ZEB2: variants seen among roughly 807,000 people sequenced by gnomAD.
ZEB2 encodes zinc finger E-box-binding homeobox 2.
Under a neutral mutation model 99.9 loss-of-function variants are expected in ZEB2, and 6 were observed. The observed-to-expected ratio is 0.06, with a 90% CI of 0.03 to 0.12. The LOEUF is 0.12. Among genes scored for constraint, ZEB2 ranks in the 10% least tolerant of loss-of-function variants. The probability of loss-of-function intolerance (pLI) is 1.00; values close to 1 mark genes in which losing one functional copy is unlikely to be tolerated. For synonymous variants in ZEB2, 517 were observed against 542.5 expected, an observed-to-expected ratio of 0.95 and a Z score of 0.65; for missense variants, 969 against 1,502.8, an observed-to-expected ratio of 0.64 and a Z score of 5.87.
At chr2:144,435,345 C>T (rs1459789329) in intron 2 of ZEB2, among the ~76,000 whole-genome samples, 18 of 151,962 alleles carry the variant, frequency 1.2e-4, no homozygotes, top group Admixed American at 1.2e-3. Context: ...TGGTGGCTCA[C>T]ACCTGTAATC....
chr2:144,393,337 A>G lies in ZEB2; in HGVS notation c.3067+3075T>C, dbSNP rs79621841. Among the ~76,000 whole-genome samples, 851 of 152,350 alleles carry G rather than the reference A, an allele frequency of 5.6e-3. 6 individuals carry two copies. Among genetic ancestry groups the G allele is most frequent in the African/African-American group, 0.02 (811 of 41,580 alleles). On this transcript the variant is annotated intron_variant, in intron 9 of 9. Transcript: ENST00000627532. Reference sequence around the variant, plus strand: ...GAGGCAAAAAAAGCACTGGGTCTCAAGAATAAGTAGCTCATAATTTCCTTC... The same window carrying G: ...GAGGCAAAAAAAGCACTGGGTCTCAGGAATAAGTAGCTCATAATTTCCTTC...
In ZEB2 at chr2:144,403,910, C is replaced by G; in HGVS notation, c.807+6G>C. 6.2e-7 allele frequency: 1 copy of G among 1,614,106 alleles called. No homozygotes were observed. The highest frequency in any genetic ancestry group is 8.5e-7 in the Non-Finnish European group (1 of 1,180,020). On this transcript the variant is annotated splice_donor_region_variant and intron_variant, in intron 6 of 9. Transcript: ENST00000627532. Reference sequence around the variant, plus strand: ...AGAAAGAAATCACTTAAAACCATCCCCCCACCTGATCTGTCCCTGGCTTGT... The same window carrying G: ...AGAAAGAAATCACTTAAAACCATCCGCCCACCTGATCTGTCCCTGGCTTGT...
chr2:144,425,314 A>G (rs1362900192), intron 3 of ZEB2, among the ~76,000 whole-genome samples: 1 of 152,174 alleles, frequency 6.6e-6, no homozygotes, highest in African/African-American at 2.4e-5. Flanking sequence ...GGGTGGCTAT[A>G]ATGGTGCTAA....
intron 2 of ZEB2, among the ~76,000 whole-genome samples, chr2:144,435,147 A>G (rs1560623077): frequency 6.6e-6 from 1 of 152,174 alleles, no homozygotes; most frequent in Non-Finnish European, 1.5e-5. Context: ...TGTGCCAGTC[A>G]CAATTTTTGT....
intron 2 of ZEB2, among the ~76,000 whole-genome samples, chr2:144,487,735 CAAGT>C (rs1386209522): frequency 1.3e-5 from 2 of 152,076 alleles, no homozygotes; most frequent in African/African-American, 2.4e-5. Context: ...ACAAACTTGA[CAAGT>C]AAGATCTCTG....
At chr2:144,460,056 G>T (rs1224320894) in intron 2 of ZEB2, among the ~76,000 whole-genome samples, 2 of 152,142 alleles carry the variant, frequency 1.3e-5, no homozygotes, top group African/African-American at 4.8e-5. Context: ...AGACAGGGTT[G>T]CTGAAACCCA....
intron 2 of ZEB2, among the ~76,000 whole-genome samples, chr2:144,483,750 C>T (rs191441308): frequency 5.7e-4 from 87 of 152,192 alleles, no homozygotes; most frequent in Non-Finnish European, 9.4e-4. Flanking sequence ...AGGAGCCAAA[C>T]CATCTTTCTT....
At chr2:144,497,983 TATATTAATATTATATATTATATA>T (rs571485908) in intron 2 of ZEB2, among the ~76,000 whole-genome samples, 10,399 of 15,952 alleles carry the variant, frequency 0.65, 4,897 homozygotes, top group East Asian at 0.73. Context: ...TATTATATAA[TATATTAATATTATATATTATATA>T]ATATATTAAT....
At chr2:144,439,042 A>C (rs1703872843) in intron 2 of ZEB2, among the ~76,000 whole-genome samples, 1 of 151,278 alleles carries the variant, frequency 6.6e-6, no homozygotes. Flanking sequence ...ATATTGAATA[A>C]TTTCTGTCAT....
chr2:144,458,296 C>A (rs948692094), intron 2 of ZEB2, among the ~76,000 whole-genome samples: 2 of 152,098 alleles, frequency 1.3e-5, no homozygotes, highest in African/African-American at 4.8e-5. Flanking sequence ...TAACTTTCTA[C>A]TTTTAAAACT....
intron 2 of ZEB2, chr2:144,511,327 G>C: frequency 9.1e-7 from 1 of 1,094,178 alleles, no homozygotes; most frequent in Non-Finnish European, 1.1e-6. Flanking sequence ...TACCTCCTCA[G>C]AGGAAACACA....
At chr2:144,459,642 G>C (rs1704165398) in intron 2 of ZEB2, among the ~76,000 whole-genome samples, 2 of 152,068 alleles carry the variant, frequency 1.3e-5, no homozygotes, top group African/African-American at 4.8e-5. Flanking sequence ...TCTTGTGGGA[G>C]AGAAAAACAC....
chr2:144,519,943 G>A lies in ZEB2; in HGVS notation c.-74C>T, dbSNP rs1382279986. ...AGGGGAGGAAAAAAAACCTACCTGCGAAGTCTTGTTTGTAGTTTTGGCCAG... is the reference window on the plus strand; with the variant it reads ...AGGGGAGGAAAAAAAACCTACCTGCAAAGTCTTGTTTGTAGTTTTGGCCAG... On this transcript the variant is annotated 5_prime_UTR_variant, in exon 1 of 10. Coordinates refer to ENST00000627532, the MANE Select transcript of ZEB2 (RefSeq NM_014795.4). 8 of 449,780 alleles carry A rather than the reference G, an allele frequency of 1.8e-5. No homozygotes were observed. The highest frequency in any genetic ancestry group is 3.6e-5 in the Non-Finnish European group (8 of 224,956). 27.9% of individuals were successfully genotyped at this position (449,780 alleles called of 1,614,324 possible).
rs781221176 is a variant in ZEB2, at chr2:144,520,032, A to C, written c.-163T>G. 6.8e-5 allele frequency: 31 copies of C among 454,436 alleles called. 1 individual carries two copies. Among genetic ancestry groups the C allele is most frequent in the South Asian group, 4.5e-4 (29 of 64,476 alleles). The allele number at this position is 454,436 out of a possible 1,614,324, so 28.2% of individuals were successfully genotyped here. A position where few individuals can be genotyped will look rare whatever the true frequency, so the allele number is the denominator to read the frequency against. On this transcript the variant is annotated 5_prime_UTR_variant, in exon 1 of 10. Coordinates refer to ENST00000627532, the MANE Select transcript of ZEB2 (RefSeq NM_014795.4). ...GTGGGGGAGAAAAAGGTGGAAGCGAAGAAACAGCTCCCGGAGCAAACTGTA... is the reference window on the plus strand; with the variant it reads ...GTGGGGGAGAAAAAGGTGGAAGCGACGAAACAGCTCCCGGAGCAAACTGTA...
intron 4 of ZEB2, among the ~76,000 whole-genome samples, chr2:144,418,706 C>CA (rs61255327): frequency 6.7e-6 from 1 of 148,450 alleles, no homozygotes; most frequent in African/African-American, 2.5e-5. Flanking sequence ...AACAAACAAA[C>CA]AAAAAAAAAA....
At chr2:144,411,961 A>G (rs992317951) in intron 4 of ZEB2, among the ~76,000 whole-genome samples, 1 of 152,232 alleles carries the variant, frequency 6.6e-6, no homozygotes, top group Non-Finnish European at 1.5e-5. Context: ...GATAGAGTCC[A>G]TTACTTTTTT....
intron 2 of ZEB2, among the ~76,000 whole-genome samples, chr2:144,451,447 G>T (rs1704053758): frequency 6.6e-6 from 1 of 152,170 alleles, no homozygotes; most frequent in Non-Finnish European, 1.5e-5. Flanking sequence ...AAATTGGTAA[G>T]TTAAAGGTGT....
chr2:144,405,470 C>G (rs1256711755), intron 4 of ZEB2: 1 of 198,374 alleles, frequency 5.0e-6, no homozygotes, highest in Non-Finnish European at 1.0e-5. Flanking sequence ...ACTGAGCGTC[C>G]CTAACCACAG....
chr2:144,440,500 TATATATATATATATA>T (rs1198523701), intron 2 of ZEB2, among the ~76,000 whole-genome samples: 13 of 13,332 alleles, frequency 9.8e-4, no homozygotes, highest in Non-Finnish European at 1.2e-3. Context: ...TATATATATA[TATATATATATATATA>T]TTTTTTTTTT....
Sources: allele counts gnomAD v4.1 joint callset (sites outside exome capture counted in the v4.1 genomes callset), GRCh38; gene constraint gnomAD v4.1.1; transcripts MANE v1.5; gene names NCBI Gene and HGNC (gene_info 2026-07-23, HGNC 2026-07-21).